Variants in ARHGAP18 observed in about 807,000 individuals in gnomAD.
ARHGAP18 encodes the protein rho GTPase-activating protein 18.
A neutral mutation model predicts 86.2 loss-of-function variants in ARHGAP18; 67 were observed. The observed-to-expected ratio is 0.78, with a 90% CI of 0.64 to 0.95. The LOEUF (loss-of-function observed/expected upper bound fraction) is 0.95, where lower values mean the gene tolerates loss of function less well. Ranked by LOEUF, ARHGAP18 falls within the 40% of genes least tolerant of loss-of-function variation. The pLI is 0.00. For missense variants in ARHGAP18, 691 were observed against 780.4 expected (o/e 0.89, Z 1.37); for synonymous variants, 283 against 280.4 (o/e 1.01, Z -0.09).
At chr6:129,661,959 C>T (rs1395689931) in intron 1 of ARHGAP18, 1 of 978,192 alleles carries the variant, frequency 1.0e-6, no homozygotes, top group Non-Finnish European at 1.2e-6. Flanking sequence ...ACTGTTGTCA[C>T]TACCTGGTGT....
intron 5 of ARHGAP18, among the ~76,000 whole-genome samples, chr6:129,620,051 T>C (rs779554055): frequency 6.6e-6 from 1 of 152,174 alleles, no homozygotes; most frequent in Non-Finnish European, 1.5e-5. Context: ...AGTGCTTTTA[T>C]GTGGTTGCTA....
At chr6:129,580,235 CT>C (rs1788259424) in intron 13 of ARHGAP18, 104 bp from the exon 14 acceptor site, 2 of 922,270 alleles carry the variant, frequency 2.2e-6, no homozygotes, top group Non-Finnish European at 3.5e-6. Context: ...AAATTCATAA[CT>C]TAGACACACT....
chr6:129,625,880 TTA>T (rs1225362940), intron 5 of ARHGAP18, among the ~76,000 whole-genome samples: 11 of 65,618 alleles, frequency 1.7e-4, no homozygotes, highest in Admixed American at 1.5e-3. Flanking sequence ...TATTATATAT[TTA>T]TATATTATAT....
chr6:129,595,541 T>G (rs72982627), intron 12 of ARHGAP18, among the ~76,000 whole-genome samples: 23,921 of 152,104 alleles, frequency 0.16, 2,343 homozygotes, highest in Non-Finnish European at 0.22. Flanking sequence ...CTCTACCAAT[T>G]TATATACTCC....
chr6:129,646,165 T>C (rs1773575099), intron 1 of ARHGAP18, among the ~76,000 whole-genome samples: 1 of 152,144 alleles, frequency 6.6e-6, no homozygotes, highest in Non-Finnish European at 1.5e-5. Context: ...AATGGAAACA[T>C]ATGGAACTGG....
intron 1 of ARHGAP18, among the ~76,000 whole-genome samples, chr6:129,706,650 G>GCC (rs1240905582): frequency 6.6e-6 from 1 of 152,200 alleles, no homozygotes; most frequent in African/African-American, 2.4e-5. Flanking sequence ...ACTTTGGGAG[G>GCC]ATGAGGTGGG....
chr6:129,658,866 G>T (rs1372454889), intron 1 of ARHGAP18, among the ~76,000 whole-genome samples: 1 of 152,118 alleles, frequency 6.6e-6, no homozygotes, highest in East Asian at 1.9e-4. Flanking sequence ...CACAATTGTG[G>T]GGGTAATGGG....
chr6:129,682,535 G>A (rs1774342248), intron 1 of ARHGAP18, among the ~76,000 whole-genome samples: 1 of 152,160 alleles, frequency 6.6e-6, no homozygotes, highest in Admixed American at 6.5e-5. Flanking sequence ...ATCTGTAGAT[G>A]GTTACTGAAA....
chr6:129,604,691 G>A (rs1275162301), intron 10 of ARHGAP18, among the ~76,000 whole-genome samples: 1 of 152,158 alleles, frequency 6.6e-6, no homozygotes, highest in Non-Finnish European at 1.5e-5. Context: ...TTTCTGAGTT[G>A]ACCTCTGTCT....
At position 129,607,899 on chromosome 6, in the gene ARHGAP18, C is replaced by T. The variant is rs1157139967; in HGVS notation, c.1276G>A (p.Val426Ile). 1 of 1,601,966 alleles carries T rather than the reference C, an allele frequency of 6.2e-7. No homozygotes were observed. Among genetic ancestry groups the T allele is most frequent in the Non-Finnish European group, 8.5e-7 (1 of 1,176,298 alleles). ...SVEYLKAFQA[V>I]QNLPTKKQQL... ...AAAGAGGGATAGCACTTACTCTGGA[C>T]AGCCTGAAAGGCTTTGAGATACTCC... The change falls in exon 9 of 15, where the codon GTC (valine) becomes ATC (isoleucine). Residue 426 changes from valine (V) to isoleucine (I), a missense_variant. Val to Ile is a conservative substitution (Grantham distance 29, BLOSUM62 3). Transcript: ENST00000368149.
At position 129,661,926 on chromosome 6, in the gene ARHGAP18, G is replaced by A. The variant is rs1773961019; in HGVS notation, c.114-19908C>T. 32 of 985,238 alleles carry A rather than the reference G, an allele frequency of 3.2e-5. 1 individual carries two copies. The South Asian group carries it at 1.2e-3, about 38-fold the overall frequency. 61.0% of individuals were successfully genotyped at this position (985,238 alleles called of 1,614,324 possible). On this transcript the variant is annotated intron_variant, in intron 1 of 14. Transcript: ENST00000368149. ...TTTCAAGTCCACCAAGCAGTCATCT[G>A]TGTCCTCTGTTTCCCAGGTGACACT...
chr6:129,583,780 C>T (rs567869933), intron 13 of ARHGAP18, among the ~76,000 whole-genome samples: 11 of 151,970 alleles, frequency 7.2e-5, no homozygotes, highest in South Asian at 6.2e-4. Flanking sequence ...TGAACACAAG[C>T]CACATCAAAT....
rs748225783 is a variant in ARHGAP18 at position 129,634,464 on chromosome 6, G to A, written c.553-359C>T. ...AAGCAAAATGTGGTCTATCTGTACA[G>A]TGGAATATTATTTGGCTATAAACAG... On this transcript the variant is annotated intron_variant, in intron 3 of 14. Coordinates refer to ENST00000368149, the MANE Select transcript of ARHGAP18 (RefSeq NM_033515.3). 1.1e-4 allele frequency among the ~76,000 whole-genome samples: 17 copies of A among 152,302 alleles called. 1 individual carries two copies. Among genetic ancestry groups the A allele is most frequent in the Middle Eastern group, 6.8e-3 (2 of 294 alleles).
chr6:129,651,683 A>G (rs1773712686), intron 1 of ARHGAP18, among the ~76,000 whole-genome samples: 1 of 152,066 alleles, frequency 6.6e-6, no homozygotes, highest in Non-Finnish European at 1.5e-5. Flanking sequence ...GTGGTTCACC[A>G]TTCCTTCTTC....
intron 1 of ARHGAP18, among the ~76,000 whole-genome samples, chr6:129,673,222 C>A (rs148446516): frequency 2.6e-5 from 4 of 152,096 alleles, no homozygotes; most frequent in African/African-American, 7.2e-5. Flanking sequence ...TTGTTTGCTA[C>A]GTATTTTCAT....
Position 129,599,205 on chromosome 6 carries a change from T to G in ARHGAP18, c.1713+11A>C. ...GATCTGAATAAATACATATCTCCACTATTTTCTTACATCATTTGTACTCTT... is the reference window on the plus strand; with the variant it reads ...GATCTGAATAAATACATATCTCCACGATTTTCTTACATCATTTGTACTCTT... On this transcript the variant is annotated intron_variant, in intron 12 of 14. Transcript: ENST00000368149. 6.5e-7 allele frequency: 1 copy of G among 1,529,342 alleles called. No individual in the cohort carries two copies. Among genetic ancestry groups the G allele is most frequent in the Non-Finnish European group, 8.7e-7 (1 of 1,145,912 alleles). 94.7% of individuals were successfully genotyped at this position (1,529,342 alleles called of 1,614,324 possible).
rs565909889 is a variant in ARHGAP18, at chr6:129,634,101, G to A, written c.557C>T (p.Pro186Leu). Reference sequence around the variant, plus strand: ...AAGTGACTGCGATTCAGTGCCACCTGGAGCCTAAACATAGAAAACAGGCCA... The same window carrying A: ...AAGTGACTGCGATTCAGTGCCACCTAGAGCCTAAACATAGAAAACAGGCCA... ...AQQRESKETA[P>L]GGTESQSLRT... Residue 186 changes from proline (P) to leucine (L), a missense_variant, in exon 4 of 15, where the codon CCA (proline) becomes CTA (leucine). Transcript: ENST00000368149. 1 of 1,613,312 alleles carries A rather than the reference G, an allele frequency of 6.2e-7. No homozygotes were observed. Among genetic ancestry groups the A allele is most frequent in the South Asian group, 1.1e-5 (1 of 90,990 alleles).
intron 1 of ARHGAP18, among the ~76,000 whole-genome samples, chr6:129,686,194 G>A (rs745838521): frequency 7.9e-5 from 12 of 152,178 alleles, no homozygotes; most frequent in African/African-American, 2.2e-4. Flanking sequence ...CAGCAGGGCC[G>A]TTCATTTGCA....
At chr6:129,671,584 C>T (rs1774142969) in intron 1 of ARHGAP18, among the ~76,000 whole-genome samples, 1 of 151,932 alleles carries the variant, frequency 6.6e-6, no homozygotes, top group African/African-American at 2.4e-5. Context: ...GCCTATAGTT[C>T]TATTAATAGC....
Sources: allele counts gnomAD v4.1 joint callset (sites outside exome capture counted in the v4.1 genomes callset), GRCh38; gene constraint gnomAD v4.1.1; transcripts MANE v1.5; gene names NCBI Gene and HGNC (gene_info 2026-07-23, HGNC 2026-07-21).